Variants in PRDM1 observed in about 807,000 individuals in gnomAD.
The protein encoded by PRDM1 is PR/SET domain 1, also known as PR domain zinc finger protein 1.
In PRDM1, 13 loss-of-function variants were observed where a neutral mutation model predicts 62.8. The observed-to-expected ratio is 0.21, with a 90% CI of 0.13 to 0.33. PRDM1 has a LOEUF of 0.33. Among genes scored for constraint, PRDM1 ranks in the 10% least tolerant of loss-of-function variants. The pLI, the probability that PRDM1 is intolerant of heterozygous loss-of-function variation, is 1.00. For missense variants in PRDM1, 895 were observed against 1,058.8 expected, an observed-to-expected ratio of 0.85 and a Z score of 2.15; for synonymous variants, 396 against 417.6, an observed-to-expected ratio of 0.95 and a Z score of 0.63.
At chr6:106,076,478 AT>A (rs1445385655) in intron 1 of PRDM1, among the ~76,000 whole-genome samples, 1 of 152,204 alleles carries the variant, frequency 6.6e-6, no homozygotes, top group African/African-American at 2.4e-5. Context: ...ATTATGTTAC[AT>A]CAGTCTTTTA....
intron 1 of PRDM1, among the ~76,000 whole-genome samples, chr6:106,005,960 T>C (rs1233886005): frequency 6.6e-6 from 1 of 152,238 alleles, no homozygotes; most frequent in Non-Finnish European, 1.5e-5. Flanking sequence ...TCAGAAGACA[T>C]CTGAGGCTTG....
Position 106,043,041 on chromosome 6 carries a change from G to A in PRDM1, c.-66-45160G>A, listed in dbSNP as rs1047018767. 1.4e-4 allele frequency among the ~76,000 whole-genome samples: 22 copies of A among 152,258 alleles called. No individual in the cohort carries two copies. In the East Asian group the frequency reaches 4.1e-3, roughly 28 times the overall value. On this transcript the variant is annotated intron_variant, in intron 1 of 6. Coordinates refer to the PRDM1 transcript ENST00000652320. ...AATTTTTGTATTTTTAGTAGAGACA[G>A]GGTTTCACCATGTTGGCCAGGCTGG...
chr6:106,031,122 C>G (rs1257804978), intron 1 of PRDM1, among the ~76,000 whole-genome samples: 1 of 151,090 alleles, frequency 6.6e-6, no homozygotes, highest in African/African-American at 2.4e-5. Context: ...GTTTGGCATT[C>G]TGGTAAGTTT....
intron 1 of PRDM1, among the ~76,000 whole-genome samples, chr6:106,017,101 C>T (rs1772632065): frequency 6.6e-6 from 1 of 152,102 alleles, no homozygotes; most frequent in African/African-American, 2.4e-5. Context: ...AGATACTTGT[C>T]CATTTTTGTG....
chr6:106,094,372 G>A (rs1284743800), intron 2 of PRDM1, among the ~76,000 whole-genome samples: 1 of 152,198 alleles, frequency 6.6e-6, no homozygotes, highest in Non-Finnish European at 1.5e-5. Flanking sequence ...ACTGCAAACT[G>A]TTGTAAAGGA....
chr6:106,040,091 G>A (rs1562150531), intron 1 of PRDM1, among the ~76,000 whole-genome samples: 1 of 152,214 alleles, frequency 6.6e-6, no homozygotes, highest in Non-Finnish European at 1.5e-5. Flanking sequence ...TGCCCAGCGA[G>A]GAAGAAATGA....
Position 106,106,068 on chromosome 6 carries a change from G to C in PRDM1, c.1773+135G>C. The C allele has an allele frequency of 7.4e-7, 1 of 1,357,776 alleles. No individual in the cohort carries two copies. Among genetic ancestry groups the C allele is most frequent in the East Asian group, 2.5e-5 (1 of 39,850 alleles). The allele number at this position is 1,357,776 out of a possible 1,614,324, so 84.1% of individuals were successfully genotyped here. On this transcript the variant is annotated intron_variant, in intron 5 of 6. Transcript: ENST00000369096. The surrounding 1 kb of genome is among the most constrained non-coding windows in gnomAD (Gnocchi z 4.4). ...GTTGGGGATAGTGGGTATGGATTCC[G>C]CCTGGCTTTTGCCACTTCTAGCTCT...
chr6:106,046,622 C>T (rs1773080992), upstream of PRDM1: 1 of 152,124 alleles, frequency 6.6e-6, no homozygotes, highest in Admixed American at 6.5e-5. Context: ...ATGTGATCTT[C>T]CTGATAGGGC....
At chr6:106,068,290 C>T (rs1562158363) in intron 1 of PRDM1, among the ~76,000 whole-genome samples, 1 of 152,122 alleles carries the variant, frequency 6.6e-6, no homozygotes, top group Non-Finnish European at 1.5e-5. Context: ...CAGGGTTTCA[C>T]CATGTTGGTC....
intron 1 of PRDM1, among the ~76,000 whole-genome samples, chr6:106,036,834 G>T (rs1772931681): frequency 6.6e-6 from 1 of 152,048 alleles, no homozygotes; most frequent in Non-Finnish European, 1.5e-5. Flanking sequence ...AAAATTTAGA[G>T]ATGGGGTCTT....
intron 1 of PRDM1, among the ~76,000 whole-genome samples, chr6:106,073,105 CTTTTTTTTT>C (rs202236727): frequency 2.2e-5 from 3 of 137,666 alleles, no homozygotes; most frequent in African/African-American, 8.1e-5. Flanking sequence ...TTCCTCTTTT[CTTTTTTTTT>C]TTTTTTTTGT....
intron 1 of PRDM1, among the ~76,000 whole-genome samples, chr6:106,016,033 A>G (rs932936264): frequency 6.6e-6 from 1 of 152,138 alleles, no homozygotes; most frequent in South Asian, 2.1e-4. Context: ...CTTTGTTTAT[A>G]TGAATTTGGC....
intron 1 of PRDM1, among the ~76,000 whole-genome samples, chr6:106,001,794 T>G (rs1187256268): frequency 6.6e-6 from 1 of 152,226 alleles, no homozygotes; most frequent in African/African-American, 2.4e-5. Context: ...TTGTCTTGGT[T>G]ATTCTTGGTG....
At chr6:106,090,642 AT>A (rs1359685839) in intron 2 of PRDM1, among the ~76,000 whole-genome samples, 3 of 152,226 alleles carry the variant, frequency 2.0e-5, no homozygotes, top group African/African-American at 7.2e-5. Context: ...AACATTAAGG[AT>A]TGATGAAATG....
At chr6:106,077,922 G>A (rs1217993760) in intron 1 of PRDM1, among the ~76,000 whole-genome samples, 1 of 152,216 alleles carries the variant, frequency 6.6e-6, no homozygotes, top group African/African-American at 2.4e-5. Context: ...GGCTTTGGGA[G>A]AACATTGAGT....
chr6:106,070,998 C>T (rs1320856340), intron 1 of PRDM1, among the ~76,000 whole-genome samples: 1 of 152,164 alleles, frequency 6.6e-6, no homozygotes, highest in African/African-American at 2.4e-5. Flanking sequence ...TGGCCTGATG[C>T]AGTAGCTCAT....
intron 1 of PRDM1, among the ~76,000 whole-genome samples, chr6:105,995,603 A>G (rs1772338997): frequency 6.6e-6 from 1 of 152,248 alleles, no homozygotes; most frequent in Non-Finnish European, 1.5e-5. Flanking sequence ...CACTAGATAC[A>G]TTACACAGAC....
chr6:106,107,969 A>T lies in PRDM1; in HGVS notation c.*483A>T, dbSNP rs889789381. 8 of 232,716 alleles carry T rather than the reference A, an allele frequency of 3.4e-5. No homozygotes were observed. Among genetic ancestry groups the T allele is most frequent in the Non-Finnish European group, 6.8e-5 (8 of 117,566 alleles). The allele number at this position is 232,716 out of a possible 1,614,324, so 14.4% of individuals were successfully genotyped here. A position where few individuals can be genotyped will look rare whatever the true frequency, so the allele number is the denominator to read the frequency against. Reference sequence around the variant, plus strand: ...TGTCTTGTGGCCATTCTTTGTAGATAATTTCTGCACATCTGTATAAGTACC... The same window carrying T: ...TGTCTTGTGGCCATTCTTTGTAGATTATTTCTGCACATCTGTATAAGTACC... On this transcript the variant is annotated 3_prime_UTR_variant, in exon 7 of 7. Transcript: ENST00000369096.
intron 1 of PRDM1, among the ~76,000 whole-genome samples, chr6:106,071,830 A>G (rs1773525781): frequency 6.6e-6 from 1 of 152,210 alleles, no homozygotes; most frequent in South Asian, 2.1e-4. Context: ...TTTTAAGTGT[A>G]GATATCATCT....
Sources: gnomAD v4.1 joint callset for allele counts (sites outside exome capture counted in the v4.1 genomes callset) on GRCh38, gnomAD v4.1.1 for gene constraint, Gnocchi (gnomAD v3.1) non-coding constraint, MANE v1.5 for transcripts, NCBI Gene and HGNC (gene_info 2026-07-23, HGNC 2026-07-21) for gene names.